Variants in KNDC1 observed in about 807,000 individuals in gnomAD.
KNDC1 encodes kinase non-catalytic C-lobe domain-containing protein 1.
Under a neutral mutation model 172.8 loss-of-function variants are expected in KNDC1, and 106 were observed. The ratio of observed to expected loss-of-function variants is 0.61; its 90% CI spans 0.52 to 0.72. The LOEUF (loss-of-function observed/expected upper bound fraction) is 0.72, where lower values mean the gene tolerates loss of function less well. Among genes scored for constraint, KNDC1 ranks in the 30% least tolerant of loss-of-function variants. KNDC1 has a pLI of 0.00. For missense variants in KNDC1, 2,325 were observed against 2,394.5 expected, an observed-to-expected ratio of 0.97 and a Z score of 0.61; for synonymous variants, 1,083 against 1,062.2, an observed-to-expected ratio of 1.02 and a Z score of -0.38.
At chr10:133,161,080 G>A (rs532019800) in intron 1 of KNDC1, among the ~76,000 whole-genome samples, 2 of 151,784 alleles carry the variant, frequency 1.3e-5, no homozygotes, top group Non-Finnish European at 2.9e-5. Flanking sequence ...CCCCTACCCC[G>A]CAAGGTGCAG....
chr10:133,172,953 T>C (rs1052341559), intron 3 of KNDC1, among the ~76,000 whole-genome samples: 9 of 152,132 alleles, frequency 5.9e-5, no homozygotes, highest in Admixed American at 5.9e-4. Context: ...CAGTGAGCCA[T>C]GATTACCCCA....
chr10:133,198,430 C>A lies in KNDC1; in HGVS notation c.2000C>A (p.Pro667His). 6.2e-7 allele frequency: 1 copy of A among 1,602,620 alleles called. No homozygotes were observed. The highest frequency in any genetic ancestry group is 2.3e-5 in the East Asian group (1 of 44,412). ...TGCGGTGAAGAAGCCACCCAGCTGC[C>A]TGCAGCGTTCACCTCCGAGGCCACG... Reference protein sequence around the residue: ...HPCGEEATQLPAAFTSEATHF... With the variant: ...HPCGEEATQLHAAFTSEATHF... Residue 667 changes from proline (P) to histidine (H), a missense_variant, in exon 13 of 30, where the codon CCT becomes CAT. By Grantham distance (77) the Pro-to-His change is moderately conservative. Coordinates refer to ENST00000304613, the MANE Select transcript of KNDC1 (RefSeq NM_152643.8).
chr10:133,201,836 A>G lies in KNDC1; in HGVS notation c.3325A>G (p.Asn1109Asp). Residue 1109 changes from asparagine to aspartate, a missense_variant, in exon 17 of 30, where the codon AAC becomes GAC. Transcript: ENST00000304613. ...EADCFGADVH[N>D]YVKDLGRQQA... is the part of the protein sequence containing the mutation. ...CGACTGCTTCGGGGCCGACGTCCACAACTACGTGAAGGACCTGGGGCGGCA... is the reference window on the plus strand; with the variant it reads ...CGACTGCTTCGGGGCCGACGTCCACGACTACGTGAAGGACCTGGGGCGGCA... 6.7e-7 allele frequency: 1 copy of G among 1,488,262 alleles called. No individual in the cohort carries two copies. The highest frequency in any genetic ancestry group is 2.4e-5 in the East Asian group (1 of 41,730). 92.2% of individuals were successfully genotyped at this position (1,488,262 alleles called of 1,614,324 possible).
rs373629669 is a variant in KNDC1 at position 133,173,237 on chromosome 10, C to T, written c.360+4925C>T. Among the ~76,000 whole-genome samples, 30 of 152,280 alleles carry T rather than the reference C, an allele frequency of 2.0e-4. No individual in the cohort carries two copies. In the East Asian group the frequency reaches 3.1e-3, roughly 16 times the overall value. On this transcript the variant is annotated intron_variant, in intron 3 of 29. Transcript: ENST00000304613. ...TTTCCAAAGAGCCTCCTCTGTGTCC[C>T]GTCTGCTCTCCTGGCCTGTCTGTGT...
At chr10:133,189,397 C>T (rs929932366) in intron 7 of KNDC1, among the ~76,000 whole-genome samples, 2 of 152,174 alleles carry the variant, frequency 1.3e-5, no homozygotes, top group Non-Finnish European at 2.9e-5. Flanking sequence ...GCGCTACCCT[C>T]GGGGAGGGCT....
At position 133,201,542 on chromosome 10, in the gene KNDC1, C is replaced by T. The variant is rs1479148427; in HGVS notation, c.3031C>T (p.Pro1011Ser). The T allele has an allele frequency of 6.2e-7, 1 of 1,611,026 alleles. No individual in the cohort carries two copies. Among genetic ancestry groups the T allele is most frequent in the South Asian group, 1.1e-5 (1 of 90,838 alleles). Residue 1011 changes from proline to serine, a missense_variant, in exon 17 of 30, where the codon CCC becomes TCC. Pro to Ser is a moderately conservative substitution (Grantham distance 74). Transcript: ENST00000304613. The stretch of plus-strand genomic sequence containing the variant: ...CATGGCCAGGACCAGCAGCAGGGCC[C>T]CCTGCTCACCCACCTCGGTGTCGGA... The part of the protein sequence containing the change: ...PAMARTSSRA[P>S]CSPTSVSDVD...
At chr10:133,214,399 G>A (rs941462090) in intron 26 of KNDC1, among the ~76,000 whole-genome samples, 14 of 152,202 alleles carry the variant, frequency 9.2e-5, no homozygotes, top group African/African-American at 2.2e-4. Context: ...CCACAGCCAC[G>A]TCCACATCTG....
At chr10:133,167,001 C>A (rs915498861) in intron 1 of KNDC1, among the ~76,000 whole-genome samples, 1 of 152,182 alleles carries the variant, frequency 6.6e-6, no homozygotes, top group Non-Finnish European at 1.5e-5. Flanking sequence ...ATGTCCACTC[C>A]GTCGCCTCGC....
At chr10:133,218,582 T>C (rs1307206574) in intron 26 of KNDC1, among the ~76,000 whole-genome samples, 1 of 152,174 alleles carries the variant, frequency 6.6e-6, no homozygotes, top group Non-Finnish European at 1.5e-5. Flanking sequence ...TGGACTTCTT[T>C]TCAAGTCTTT....
intron 1 of KNDC1, among the ~76,000 whole-genome samples, chr10:133,166,301 C>T (rs1042949027): frequency 3.3e-5 from 5 of 152,198 alleles, no homozygotes; most frequent in Non-Finnish European, 4.4e-5. Context: ...CCGGCCACCC[C>T]CTCCTACCTG....
intron 26 of KNDC1, among the ~76,000 whole-genome samples, chr10:133,218,380 C>T (rs1845511248): frequency 6.6e-6 from 1 of 152,242 alleles, no homozygotes; most frequent in African/African-American, 2.4e-5. Flanking sequence ...GGCACCCACC[C>T]CGGACTGCAC....
At chr10:133,202,206 C>T in intron 17 of KNDC1, 1 of 656,458 alleles carries the variant, frequency 1.5e-6, no homozygotes. Flanking sequence ...ATGCTCGTGA[C>T]CAGGTTGCGT....
chr10:133,178,230 A>G (rs117587114), intron 3 of KNDC1, among the ~76,000 whole-genome samples: 3,461 of 152,014 alleles, frequency 0.023, 56 homozygotes, highest in Non-Finnish European at 0.035. Context: ...GTGTGCATGC[A>G]TGTAGCGTGT....
At chr10:133,195,190 C>T (rs1232926554) in intron 9 of KNDC1, among the ~76,000 whole-genome samples, 1 of 152,232 alleles carries the variant, frequency 6.6e-6, no homozygotes, top group Non-Finnish European at 1.5e-5. Context: ...CAGCAACGTG[C>T]CGGATGAACT....
chr10:133,170,797 G>T (rs1853353110), intron 3 of KNDC1, among the ~76,000 whole-genome samples: 1 of 152,218 alleles, frequency 6.6e-6, no homozygotes, highest in Non-Finnish European at 1.5e-5. Flanking sequence ...GGCAGCTTCT[G>T]CATTCAGTCG....
intron 9 of KNDC1, among the ~76,000 whole-genome samples, chr10:133,193,109 G>A (rs199734293): frequency 4.7e-5 from 7 of 149,814 alleles, no homozygotes; most frequent in Non-Finnish European, 1.0e-4. Context: ...TATGGGGGGG[G>A]AAAACAGTTC....
intron 9 of KNDC1, among the ~76,000 whole-genome samples, chr10:133,193,057 AAAAC>A (rs1358393465): frequency 6.6e-6 from 1 of 151,172 alleles, no homozygotes; most frequent in Middle Eastern, 3.4e-3. Context: ...ATAAAAATAA[AAAAC>A]AAAAAGAGAG....
rs367544370 is a variant in KNDC1 at position 133,207,188 on chromosome 10, G to A, written c.3631G>A (p.Val1211Met). 12 of 1,609,988 alleles carry A rather than the reference G, an allele frequency of 7.5e-6. No homozygotes were observed. Among genetic ancestry groups the A allele is most frequent in the East Asian group, 6.7e-5 (3 of 44,786 alleles). ...GLEPCTLPVI[V>M]NIAAAPCDTL... is the part of the protein sequence containing the mutation. ...GGAGCCCTGCACCCTCCCAGTGATC[G>A]TGAACATCGCGGCCGCACCCTGCGA... The change falls in exon 20 of 30, where the codon GTG (valine) becomes ATG (methionine). Residue 1211 changes from valine to methionine, a missense_variant. Transcript: ENST00000304613.
At chr10:133,218,806 T>A in intron 26 of KNDC1, 25 bp from the exon 27 acceptor site, 1 of 1,606,262 alleles carries the variant, frequency 6.2e-7, no homozygotes, top group Non-Finnish European at 8.5e-7. Context: ...CAGAAGACGC[T>A]GAATGTGTCA....
Sources: allele counts gnomAD v4.1 joint callset (sites outside exome capture counted in the v4.1 genomes callset), GRCh38; gene constraint gnomAD v4.1.1; transcripts MANE v1.5; gene names NCBI Gene and HGNC (gene_info 2026-07-23, HGNC 2026-07-21).